Variants in RUNX1 observed in about 807,000 individuals in gnomAD.
RUNX1 encodes RUNX family transcription factor 1.
Under a neutral mutation model 42.8 loss-of-function variants are expected in RUNX1, and 19 were observed. The ratio of observed to expected loss-of-function variants is 0.44; its 90% CI spans 0.31 to 0.65. RUNX1 has a LOEUF of 0.65. RUNX1 is among the 30% of genes least tolerant of loss of function. RUNX1 has a pLI of 0.07. For synonymous variants in RUNX1, 271 were observed against 289.4 expected, an observed-to-expected ratio of 0.94 and a Z score of 0.64; for missense variants, 528 against 672.0, an observed-to-expected ratio of 0.79 and a Z score of 2.37.
chr21:34,885,787 AC>A (rs1301627229), intron 4 of RUNX1, among the ~76,000 whole-genome samples: 1 of 152,140 alleles, frequency 6.6e-6, no homozygotes, highest in African/African-American at 2.4e-5. Flanking sequence ...ACTTGGAACC[AC>A]CTGCCTTGAT....
intron 7 of RUNX1, among the ~76,000 whole-genome samples, chr21:34,827,581 C>T (rs1438695676): frequency 1.3e-5 from 2 of 152,186 alleles, no homozygotes; most frequent in Non-Finnish European, 2.9e-5. Context: ...ATCATAGGCC[C>T]AGAGCTCTAG....
chr21:34,940,211 G>C (rs1224197152), intron 2 of RUNX1, among the ~76,000 whole-genome samples: 2 of 152,130 alleles, frequency 1.3e-5, no homozygotes, highest in African/African-American at 4.8e-5. Flanking sequence ...AGCTGTCAAT[G>C]GGATGGGGAA....
At chr21:34,930,270 G>GTGTATGTGTATATATATATA (rs372412304) in intron 2 of RUNX1, among the ~76,000 whole-genome samples, 5 of 123,026 alleles carry the variant, frequency 4.1e-5, no homozygotes, top group African/African-American at 1.9e-4. Flanking sequence ...GTGTGTGTAT[G>GTGTATGTGTATATATATATA]TATATATATA....
chr21:34,837,574 T>A (rs1427661337), intron 6 of RUNX1, among the ~76,000 whole-genome samples: 1 of 152,236 alleles, frequency 6.6e-6, no homozygotes, highest in Non-Finnish European at 1.5e-5. Flanking sequence ...CCTGTATCTG[T>A]GTTCAGTTAA....
intron 8 of RUNX1, among the ~76,000 whole-genome samples, chr21:34,793,302 A>C (rs961094013): frequency 6.6e-6 from 1 of 152,132 alleles, no homozygotes; most frequent in Non-Finnish European, 1.5e-5. Context: ...AATATCATGT[A>C]ATGTAATATG....
At chr21:34,975,005 A>G (rs1371462430) in intron 2 of RUNX1, among the ~76,000 whole-genome samples, 1 of 152,128 alleles carries the variant, frequency 6.6e-6, no homozygotes, top group East Asian at 1.9e-4. Flanking sequence ...AATTGCCCAT[A>G]TGCTAAAAGA....
intron 2 of RUNX1, among the ~76,000 whole-genome samples, chr21:35,030,993 T>C (rs78671088): frequency 2.6e-5 from 4 of 152,294 alleles, no homozygotes; most frequent in Non-Finnish European, 4.4e-5. Context: ...TCACTCCTCA[T>C]CATGCAAATT....
At chr21:34,973,424 C>T (rs186743617) in intron 2 of RUNX1, among the ~76,000 whole-genome samples, 3 of 152,278 alleles carry the variant, frequency 2.0e-5, no homozygotes, top group East Asian at 1.9e-4. Flanking sequence ...AGGACTAATC[C>T]AGTGTCATCA....
At chr21:34,897,175 C>T (rs1165455023) in intron 2 of RUNX1, among the ~76,000 whole-genome samples, 1 of 152,194 alleles carries the variant, frequency 6.6e-6, no homozygotes, top group Non-Finnish European at 1.5e-5. Flanking sequence ...TGCCCTCATC[C>T]AGTCTGTTGC....
chr21:34,992,687 A>G (rs1187465137), intron 2 of RUNX1, among the ~76,000 whole-genome samples: 93 of 151,086 alleles, frequency 6.2e-4, no homozygotes, highest in African/African-American at 1.9e-3. Context: ...AAAAAAAAAA[A>G]AGAAAAAAAA....
At chr21:35,001,915 T>G (rs1569145967) in intron 2 of RUNX1, among the ~76,000 whole-genome samples, 1 of 151,982 alleles carries the variant, frequency 6.6e-6, no homozygotes. Context: ...GAACAAAATA[T>G]GTACAAGTAA....
intron 2 of RUNX1, chr21:35,038,883 T>A: frequency 2.7e-6 from 1 of 371,556 alleles, no homozygotes; most frequent in Non-Finnish European, 5.4e-6. Context: ...GTTGTGGTGG[T>A]TCAAATTTTG....
At chr21:34,954,557 T>C (rs2146681140) in intron 2 of RUNX1, among the ~76,000 whole-genome samples, 1 of 152,312 alleles carries the variant, frequency 6.6e-6, no homozygotes, top group African/African-American at 2.4e-5. Flanking sequence ...TAACCTTTCC[T>C]TGGCCTCTCT....
intron 5 of RUNX1, among the ~76,000 whole-genome samples, chr21:34,870,109 G>C (rs576327539): frequency 1.3e-4 from 20 of 152,254 alleles, no homozygotes; most frequent in African/African-American, 4.3e-4. Context: ...GAACCGTATG[G>C]GGCCCTGAAA....
chr21:34,966,204 G>A (rs1382188439), intron 2 of RUNX1, among the ~76,000 whole-genome samples: 1 of 152,148 alleles, frequency 6.6e-6, no homozygotes, highest in East Asian at 1.9e-4. Flanking sequence ...AGAAAGTAGT[G>A]GAGCTTAAAT....
At chr21:34,892,508 G>A (rs1319161107) in intron 3 of RUNX1, among the ~76,000 whole-genome samples, 1 of 152,130 alleles carries the variant, frequency 6.6e-6, no homozygotes, top group African/African-American at 2.4e-5. Flanking sequence ...GCAAGCTGAG[G>A]ACATTTTAAA....
chr21:35,028,906 T>C (rs2059254758), intron 2 of RUNX1, among the ~76,000 whole-genome samples: 1 of 152,128 alleles, frequency 6.6e-6, no homozygotes, highest in South Asian at 2.1e-4. Flanking sequence ...GGTTATACAG[T>C]CATCAAAGAC....
chr21:34,900,159 A>G (rs1468670752), intron 2 of RUNX1, among the ~76,000 whole-genome samples: 3 of 152,240 alleles, frequency 2.0e-5, no homozygotes, highest in Non-Finnish European at 4.4e-5. Flanking sequence ...AAACATTGTC[A>G]TTTGAACATG....
chr21:34,917,689 T>C (rs1601567761), intron 2 of RUNX1, among the ~76,000 whole-genome samples: 2 of 152,250 alleles, frequency 1.3e-5, no homozygotes, highest in African/African-American at 4.8e-5. Context: ...CCTGGAACGT[T>C]GAGCCCTCAT....
Sources: allele counts gnomAD v4.1 joint callset (sites outside exome capture counted in the v4.1 genomes callset), GRCh38; gene constraint gnomAD v4.1.1; transcripts MANE v1.5; gene names NCBI Gene and HGNC (gene_info 2026-07-23, HGNC 2026-07-21).